Variants in CNIH3 observed in about 807,000 individuals in gnomAD.
The protein encoded by CNIH3 is cornichon family AMPA receptor auxiliary protein 3.
CNIH3 carries 14 observed loss-of-function variants against 24.1 expected under a neutral mutation model. The ratio of observed to expected loss-of-function variants is 0.58; its 90% CI spans 0.38 to 0.91. The LOEUF (loss-of-function observed/expected upper bound fraction) is 0.91, where lower values mean the gene tolerates loss of function less well. Among genes scored for constraint, CNIH3 ranks in the 40% least tolerant of loss-of-function variants. CNIH3 has a pLI of 0.00. For missense variants in CNIH3, 178 were observed against 196.8 expected (o/e 0.90, Z 0.57); for synonymous variants, 68 against 73.8 (o/e 0.92, Z 0.40).
chr1:224,711,380 A>G (rs1168281314), intron 3 of CNIH3, among the ~76,000 whole-genome samples: 1 of 147,860 alleles, frequency 6.8e-6, no homozygotes, highest in Non-Finnish European at 1.5e-5. Flanking sequence ...GAGTGTAGTC[A>G]TGTGATTGTA....
intron 2 of CNIH3, among the ~76,000 whole-genome samples, chr1:224,527,048 C>T (rs1022678704): frequency 2.6e-5 from 4 of 152,152 alleles, no homozygotes; most frequent in Admixed American, 2.0e-4. Flanking sequence ...TATATTTCAA[C>T]CTGAGATTTG....
At chr1:224,449,683 A>G in intron 1 of CNIH3, among the ~76,000 whole-genome samples, 1 of 152,102 alleles carries the variant, frequency 6.6e-6, no homozygotes, top group East Asian at 1.9e-4. Context: ...TAAAGCATGA[A>G]ACCATTATGT....
At chr1:224,613,331 G>A (rs1682787821), upstream of CNIH3, among the ~76,000 whole-genome samples, 1 of 152,148 alleles carries the variant, frequency 6.6e-6, no homozygotes, top group Non-Finnish European at 1.5e-5. Flanking sequence ...AATTTATACT[G>A]GAAGAAATAC....
intron 1 of CNIH3, among the ~76,000 whole-genome samples, chr1:224,463,957 A>ATTTTTG (rs1490337210): frequency 6.8e-6 from 1 of 146,880 alleles, no homozygotes; most frequent in Admixed American, 6.8e-5. Context: ...CACCTGGCTA[A>ATTTTTG]TTTTTGTGTT....
intron 3 of CNIH3, among the ~76,000 whole-genome samples, chr1:224,687,469 G>C (rs1055775130): frequency 6.6e-6 from 1 of 152,166 alleles, no homozygotes; most frequent in African/African-American, 2.4e-5. Flanking sequence ...CTGGCTTCAA[G>C]TGATGCTCCC....
intron 3 of CNIH3, among the ~76,000 whole-genome samples, chr1:224,698,046 CTTG>C (rs1687268823): frequency 6.6e-6 from 1 of 152,208 alleles, no homozygotes; most frequent in South Asian, 2.1e-4. Context: ...TTCTATGGGA[CTTG>C]TTATTCCTTA....
chr1:224,604,155 C>T lies in CNIH3; in HGVS notation n.402+37891C>T, dbSNP rs1682318862. On this transcript the variant is annotated intron_variant and non_coding_transcript_variant, in intron 3 of 7. Coordinates refer to the CNIH3 transcript ENST00000478120. The surrounding 1 kb of genome is among the most constrained non-coding windows in gnomAD (Gnocchi z 4.4). ...CAGTGGTCCTTGTGACATCCTATGA[C>T]AATTAGCCTGAATTAATGAGTTTAA... 1.3e-5 allele frequency among the ~76,000 whole-genome samples: 2 copies of T among 152,218 alleles called. No individual in the cohort carries two copies. Among genetic ancestry groups the T allele is most frequent in the Admixed American group, 1.3e-4 (2 of 15,292 alleles).
intron 1 of CNIH3, among the ~76,000 whole-genome samples, chr1:224,629,556 G>A (rs769628657): frequency 2.0e-5 from 3 of 152,124 alleles, no homozygotes; most frequent in Non-Finnish European, 2.9e-5. Flanking sequence ...GACGAACACT[G>A]GGTTGCTTCC....
chr1:224,646,143 G>GATGTAAGACAGTA (rs35908674), intron 1 of CNIH3, among the ~76,000 whole-genome samples: 1 of 151,930 alleles, frequency 6.6e-6, no homozygotes, highest in Non-Finnish European at 1.5e-5. Flanking sequence ...TAAGACAGCA[G>GATGTAAGACAGTA]AGGTTTTCAG....
At chr1:224,638,648 G>C (rs548090341) in intron 1 of CNIH3, among the ~76,000 whole-genome samples, 3 of 152,286 alleles carry the variant, frequency 2.0e-5, no homozygotes, top group African/African-American at 7.2e-5. Context: ...GAAGGCTTAC[G>C]TGGGTTCAGG....
At chr1:224,633,124 G>A (rs151070331) in intron 1 of CNIH3, among the ~76,000 whole-genome samples, 60 of 152,190 alleles carry the variant, frequency 3.9e-4, no homozygotes, top group African/African-American at 1.4e-3. Flanking sequence ...GGTATGAGGT[G>A]TCAGGTTTCT....
intron 3 of CNIH3, among the ~76,000 whole-genome samples, chr1:224,559,140 T>TGAA (rs1263122322): frequency 6.6e-6 from 1 of 152,184 alleles, no homozygotes; most frequent in Non-Finnish European, 1.5e-5. Flanking sequence ...GCCAGCCAGG[T>TGAA]GAAGGGAAGG....
intron 5 of CNIH3, among the ~76,000 whole-genome samples, chr1:224,586,916 A>T (rs73115958): frequency 3.3e-5 from 5 of 152,066 alleles, no homozygotes; most frequent in African/African-American, 1.2e-4. Context: ...TTGAGGAAAG[A>T]TTCTCTTCTA....
chr1:224,493,318 GC>G (rs1342629376), intron 1 of CNIH3, among the ~76,000 whole-genome samples: 2 of 152,004 alleles, frequency 1.3e-5, no homozygotes, highest in African/African-American at 2.4e-5. Flanking sequence ...TCATTTTTTG[GC>G]TTTTAAAGTT....
chr1:224,660,842 G>C (rs1340716488), intron 1 of CNIH3, among the ~76,000 whole-genome samples: 1 of 152,322 alleles, frequency 6.6e-6, no homozygotes, highest in African/African-American at 2.4e-5. Flanking sequence ...ATTTGCAGAC[G>C]TGATGGAAAA....
intron 2 of CNIH3, among the ~76,000 whole-genome samples, chr1:224,526,654 G>T (rs1678858701): frequency 1.3e-5 from 2 of 152,092 alleles, no homozygotes; most frequent in African/African-American, 4.8e-5. Context: ...TTGTTTATAA[G>T]CTACCTAGTC....
chr1:224,725,239 C>T (rs1688957734), intron 3 of CNIH3, among the ~76,000 whole-genome samples: 1 of 152,134 alleles, frequency 6.6e-6, no homozygotes, highest in African/African-American at 2.4e-5. Flanking sequence ...ATAATGATCA[C>T]AACACAATAA....
chr1:224,568,370 A>G (rs1680675975), intron 4 of CNIH3, among the ~76,000 whole-genome samples: 1 of 152,166 alleles, frequency 6.6e-6, no homozygotes, highest in African/African-American at 2.4e-5. Context: ...GATGCCAGCT[A>G]CTGAGCTGTG....
chr1:224,659,297 A>G (rs1685235264), intron 1 of CNIH3, among the ~76,000 whole-genome samples: 1 of 152,252 alleles, frequency 6.6e-6, no homozygotes, highest in Non-Finnish European at 1.5e-5. Flanking sequence ...TTAATAGCAC[A>G]AGGACTTTAA....
Sources: gnomAD v4.1 joint callset for allele counts (sites outside exome capture counted in the v4.1 genomes callset) on GRCh38, gnomAD v4.1.1 for gene constraint, Gnocchi (gnomAD v3.1) non-coding constraint, MANE v1.5 for transcripts, NCBI Gene and HGNC (gene_info 2026-07-23, HGNC 2026-07-21) for gene names.